FAM20B: variants seen among roughly 807,000 people sequenced by gnomAD.
FAM20B encodes FAM20B glycosaminoglycan xylosylkinase.
Under a neutral mutation model 43.8 loss-of-function variants are expected in FAM20B, and 23 were observed. That is an observed-to-expected ratio of 0.53 (90% CI 0.38 to 0.74). FAM20B has a LOEUF of 0.74. Ranked by LOEUF, FAM20B falls within the 30% of genes least tolerant of loss-of-function variation. The pLI, the probability that FAM20B is intolerant of heterozygous loss-of-function variation, is 0.00. For synonymous variants in FAM20B, 178 were observed against 192.4 expected (o/e 0.93, Z 0.62); for missense variants, 440 against 510.5 (o/e 0.86, Z 1.33).
At chr1:179,026,992 A>G (rs1270039976) in intron 1 of FAM20B, among the ~76,000 whole-genome samples, 5 of 152,200 alleles carry the variant, frequency 3.3e-5, no homozygotes, top group Admixed American at 2.6e-4. Flanking sequence ...CCATACCATC[A>G]TTGGGATGGA....
chr1:179,049,285 G>C (rs764090302), intron 2 of FAM20B, among the ~76,000 whole-genome samples: 3 of 152,014 alleles, frequency 2.0e-5, no homozygotes, highest in African/African-American at 4.8e-5. Context: ...AGGAATCTGA[G>C]ACCCAGAGAA....
upstream of FAM20B, chr1:179,025,716 G>C (rs182537901): frequency 8.4e-3 from 1,276 of 152,094 alleles, 12 homozygotes; most frequent in South Asian, 0.015. Context: ...GGCGCCGAGG[G>C]AGTTAAGCGG....
chr1:179,044,787 A>G (rs1650695869), intron 2 of FAM20B, among the ~76,000 whole-genome samples: 1 of 152,272 alleles, frequency 6.6e-6, no homozygotes, highest in Admixed American at 6.5e-5. Flanking sequence ...TTGTGTGGAC[A>G]TAAATTTTCA....
intron 4 of FAM20B, among the ~76,000 whole-genome samples, chr1:179,058,566 G>A (rs879667595): frequency 6.6e-6 from 1 of 152,186 alleles, no homozygotes; most frequent in Non-Finnish European, 1.5e-5. Context: ...CAGCTGGTCA[G>A]GACAGTGTCA....
intron 1 of FAM20B, among the ~76,000 whole-genome samples, chr1:179,028,941 A>G (rs1649900273): frequency 6.6e-6 from 1 of 152,228 alleles, no homozygotes; most frequent in Non-Finnish European, 1.5e-5. Context: ...TTACTGTTCA[A>G]AATATTCTGT....
Position 179,075,577 on chromosome 1 carries a change from A to G in FAM20B, c.*3433A>G, listed in dbSNP as rs1167932148. 1 of 152,596 alleles carries G rather than the reference A, an allele frequency of 6.6e-6. No homozygotes were observed. The highest frequency in any genetic ancestry group is 1.9e-4 in the East Asian group (1 of 5,200). 9.5% of individuals were successfully genotyped at this position (152,596 alleles called of 1,614,324 possible). ...ATCTGATTTGCTCAGAGTATTATTC[A>G]AGAATGTATTAATAAGGCATTGCCC... On this transcript the variant is annotated 3_prime_UTR_variant, in exon 8 of 8. Coordinates refer to ENST00000263733, the MANE Select transcript of FAM20B (RefSeq NM_014864.4).
intron 1 of FAM20B, among the ~76,000 whole-genome samples, chr1:179,030,410 T>C (rs1423887693): frequency 6.6e-6 from 1 of 152,214 alleles, no homozygotes; most frequent in Non-Finnish European, 1.5e-5. Flanking sequence ...TCTTGTATCA[T>C]CCTTGGGCAG....
intron 1 of FAM20B, chr1:179,035,168 C>T: frequency 2.7e-6 from 1 of 364,028 alleles, no homozygotes. Context: ...AGATTTATCA[C>T]ATGATCTGTA....
chr1:179,017,512 C>T, the FAM20B span, among the ~76,000 whole-genome samples: 3 of 152,234 alleles, frequency 2.0e-5, no homozygotes, highest in South Asian at 2.1e-4. Flanking sequence ...TCTGTGTTTG[C>T]GTATGGAGGA....
At chr1:179,048,953 C>G (rs1650887484) in intron 2 of FAM20B, among the ~76,000 whole-genome samples, 1 of 152,194 alleles carries the variant, frequency 6.6e-6, no homozygotes, top group Admixed American at 6.5e-5. Flanking sequence ...AGAGAGCCAA[C>G]TATCCTTAGT....
intron 1 of FAM20B, among the ~76,000 whole-genome samples, chr1:179,028,594 A>AAAC (rs147323940): frequency 5.9e-5 from 9 of 151,472 alleles, no homozygotes; most frequent in Non-Finnish European, 1.0e-4. Context: ...ACAAACAAAC[A>AAAC]AACAACAACA....
chr1:179,067,548 G>A (rs904055651), intron 7 of FAM20B, among the ~76,000 whole-genome samples: 1 of 152,216 alleles, frequency 6.6e-6, no homozygotes, highest in Admixed American at 6.5e-5. Context: ...AGGTTGCAGT[G>A]AGCCGAGATT....
intron 3 of FAM20B, among the ~76,000 whole-genome samples, chr1:179,051,711 A>G (rs913522576): frequency 6.6e-6 from 1 of 152,148 alleles, no homozygotes; most frequent in African/African-American, 2.4e-5. Context: ...CAGTAGCCTG[A>G]TCTTGGCTTA....
At chr1:179,029,872 A>G (rs78042061) in intron 1 of FAM20B, among the ~76,000 whole-genome samples, 416 of 152,338 alleles carry the variant, frequency 2.7e-3, no homozygotes, top group Admixed American at 4.3e-3. Flanking sequence ...AATTTTTACA[A>G]TATATGCTTT....
intron 1 of FAM20B, among the ~76,000 whole-genome samples, chr1:179,028,312 G>C (rs919333999): frequency 1.3e-4 from 20 of 152,212 alleles, no homozygotes; most frequent in African/African-American, 4.6e-4. Context: ...GGTCGGGCGC[G>C]GTGGCTTATG....
chr1:179,040,626 C>CT (rs1650459013), intron 1 of FAM20B, among the ~76,000 whole-genome samples: 2 of 131,112 alleles, frequency 1.5e-5, no homozygotes, highest in Admixed American at 7.2e-5. Context: ...GCAGAGGCGC[C>CT]CCTCACCTCC....
chr1:179,046,867 G>T lies in FAM20B; in HGVS notation c.377+2643G>T, dbSNP rs181278070. ...AAAATACAAAAAATTAGCTAGGCAC[G>T]TGCCTGTAATCCCAGCTACTCGGAA... On this transcript the variant is annotated intron_variant, in intron 2 of 7. Coordinates refer to ENST00000263733, the MANE Select transcript of FAM20B (RefSeq NM_014864.4). Among the ~76,000 whole-genome samples, 42 of 151,976 alleles carry T rather than the reference G, an allele frequency of 2.8e-4. No homozygotes were observed. The East Asian group carries it at 7.0e-3, about 25-fold the overall frequency.
At position 179,063,912 on chromosome 1, in the gene FAM20B, CT is replaced by C. The variant is rs764988975; in HGVS notation, c.575-12del. ...TTATTTCCTTAAGTGTATTTGGCTC[CT>C]TTCTGTCCTTTAGGAAACAATACTT... On this transcript the variant is annotated splice_polypyrimidine_tract_variant and intron_variant, in intron 4 of 7. Coordinates refer to ENST00000263733, the MANE Select transcript of FAM20B (RefSeq NM_014864.4). 1 of 1,584,386 alleles carries C rather than the reference CT, an allele frequency of 6.3e-7. No homozygotes were observed. Among genetic ancestry groups the C allele is most frequent in the Non-Finnish European group, 8.6e-7 (1 of 1,162,140 alleles).
chr1:179,026,311 C>T (rs1351972780), intron 1 of FAM20B, among the ~76,000 whole-genome samples: 1 of 151,602 alleles, frequency 6.6e-6, no homozygotes, highest in Admixed American at 6.5e-5. Flanking sequence ...GGGCCCGAGG[C>T]TTCCTGGGAG....
Sources: allele counts gnomAD v4.1 joint callset (sites outside exome capture counted in the v4.1 genomes callset), GRCh38; gene constraint gnomAD v4.1.1; transcripts MANE v1.5; gene names NCBI Gene and HGNC (gene_info 2026-07-23, HGNC 2026-07-21).